The following ATP11C variants were observed in gnomAD, a reference collection of about 807,000 sequenced individuals.
The protein encoded by ATP11C is ATPase phospholipid transporting 11C (ATP11C blood group), also known as phospholipid-transporting ATPase IG.
ATP11C carries 36 observed loss-of-function variants against 97.4 expected under a neutral mutation model. The observed-to-expected ratio is 0.37, with a 90% CI of 0.28 to 0.49. ATP11C has a LOEUF of 0.49. ATP11C is among the 20% of genes least tolerant of loss of function. The pLI is 0.98. For synonymous variants in ATP11C, 275 were observed against 290.9 expected, an observed-to-expected ratio of 0.95 and a Z score of 0.56; for missense variants, 730 against 824.6, an observed-to-expected ratio of 0.89 and a Z score of 1.40.
intron 3 of ATP11C, 68 bp downstream of exon 3, chrX:139,819,270 A>G: frequency 2.3e-6 from 1 of 430,393 alleles, no homozygotes; most frequent in Non-Finnish European, 3.9e-6. Context: ...AAGGTTAGAA[A>G]TAGATTGAAA....
intron 1 of ATP11C, among the ~76,000 whole-genome samples, chrX:139,908,266 C>T (rs1048639394): frequency 9.0e-6 from 1 of 111,613 alleles, no homozygotes; most frequent in Admixed American, 9.6e-5. Context: ...CTCCCAAACC[C>T]CTTTGCAGAA....
intron 1 of ATP11C, among the ~76,000 whole-genome samples, chrX:139,889,101 C>G (rs2148066697): frequency 8.9e-6 from 1 of 112,076 alleles, no homozygotes; most frequent in East Asian, 2.8e-4. Context: ...AGCCACCATG[C>G]CTGGCCTGAA....
At chrX:139,839,162 T>G (rs899314595) in intron 1 of ATP11C, among the ~76,000 whole-genome samples, 1 of 111,942 alleles carries the variant, frequency 8.9e-6, no homozygotes, top group African/African-American at 3.2e-5. Context: ...ATATGAAATA[T>G]GCAGAATAGG....
chrX:139,874,149 TCTC>T (rs1217498376), intron 1 of ATP11C, among the ~76,000 whole-genome samples: 7 of 107,238 alleles, frequency 6.5e-5, no homozygotes, highest in African/African-American at 2.4e-4. Flanking sequence ...CTCAAGCAAT[TCTC>T]CTGCCTCAGC....
chrX:139,906,600 G>A (rs892015089), intron 1 of ATP11C, among the ~76,000 whole-genome samples: 18 of 109,201 alleles, frequency 1.6e-4, no homozygotes, highest in African/African-American at 6.0e-4. Flanking sequence ...TGGCCAAGAT[G>A]GTAAAACCCC....
At chrX:139,755,646 G>A (rs989322647) in intron 23 of ATP11C, among the ~76,000 whole-genome samples, 16 of 111,119 alleles carry the variant, frequency 1.4e-4, no homozygotes, top group Non-Finnish European at 2.8e-4. Context: ...CAATGGAACA[G>A]AATAGAGAGC....
chrX:139,799,644 CTTTTTTTTTTT>C (rs754371113), intron 8 of ATP11C, among the ~76,000 whole-genome samples: 1 of 60,368 alleles, frequency 1.7e-5, no homozygotes, highest in Non-Finnish European at 2.7e-5. Context: ...CTTTATATTC[CTTTTTTTTTTT>C]TTTTTTTTTT....
chrX:139,886,906 A>T (rs1318261203), intron 1 of ATP11C, among the ~76,000 whole-genome samples: 6 of 96,669 alleles, frequency 6.2e-5, no homozygotes, highest in Admixed American at 2.7e-4. Context: ...ACAATTTTGT[A>T]AAAAAAAAAA....
Position 139,802,319 on chromosome X carries a change from A to G in ATP11C, c.576T>C (p.Asp192=), listed in dbSNP as rs1364131161. The change falls in exon 7 of 30, where the codon GAT becomes GAC. Residue 192 remains aspartate, a synonymous_variant. Coordinates refer to ENST00000682941, the MANE Select transcript of ATP11C (RefSeq NM_001353812.2). ...SNCKTHYAVR[D]TIALCTAESI... ...ATTCTGCTGTACACAGTGCAATGGT[A>G]TCACGTACTGCATAATGTGTCTAGT... is the stretch of plus-strand genomic sequence containing the variant. 3 of 1,197,109 alleles carry G rather than the reference A, an allele frequency of 2.5e-6. No individual in the cohort carries two copies. The highest frequency in any genetic ancestry group is 3.4e-6 in the Non-Finnish European group (3 of 882,941).
At chrX:139,840,100 T>C (rs1303724454) in intron 1 of ATP11C, among the ~76,000 whole-genome samples, 1 of 112,042 alleles carries the variant, frequency 8.9e-6, no homozygotes, top group Non-Finnish European at 1.9e-5. Context: ...AAGCAAAGCA[T>C]GAAGAAAATC....
intron 17 of ATP11C, 74 bp from the exon 18 acceptor site, chrX:139,782,802 C>T (rs1225556748): frequency 5.1e-6 from 4 of 782,202 alleles, no homozygotes; most frequent in African/African-American, 2.2e-5. Flanking sequence ...TCTGTAAATA[C>T]TCTTGCTTTA....
intron 1 of ATP11C, among the ~76,000 whole-genome samples, chrX:139,865,695 A>C (rs1342711583): frequency 9.0e-6 from 1 of 111,272 alleles, no homozygotes; most frequent in Non-Finnish European, 1.9e-5. Flanking sequence ...CGGGAGGCGG[A>C]GGTTGCAGTG....
chrX:139,899,808 A>G (rs1352831242), intron 1 of ATP11C, among the ~76,000 whole-genome samples: 1 of 111,752 alleles, frequency 8.9e-6, no homozygotes, highest in East Asian at 2.8e-4. Flanking sequence ...CTAACCACAT[A>G]TCAGAAAGAG....
rs200403283 is a variant in ATP11C at position 139,905,686 on chromosome X, GT to G, written c.27+26329del. Among the ~76,000 whole-genome samples, 10 of 107,804 alleles carry G rather than the reference GT, an allele frequency of 9.3e-5. No individual in the cohort carries two copies. In the South Asian group the frequency reaches 1.6e-3, roughly 17 times the overall value. The allele number at this position is 107,804 out of a possible 115,157, so 93.6% of individuals were successfully genotyped here. A position where few individuals can be genotyped will look rare whatever the true frequency, so the allele number is the denominator to read the frequency against. ...TCCTTAAAAAAGTGACACAGGAAAAGTTTTTTTTTTAAAGTACTTACGTATT... is the reference window on the plus strand; with the variant it reads ...TCCTTAAAAAAGTGACACAGGAAAAGTTTTTTTTTAAAGTACTTACGTATT... On this transcript the variant is annotated intron_variant, in intron 1 of 29. Coordinates refer to ENST00000682941, the MANE Select transcript of ATP11C (RefSeq NM_001353812.2).
At chrX:139,843,898 T>C (rs1023685524) in intron 1 of ATP11C, among the ~76,000 whole-genome samples, 4 of 105,445 alleles carry the variant, frequency 3.8e-5, no homozygotes, top group African/African-American at 1.5e-4. Context: ...CAATAACTAG[T>C]TGCTTCTGAC....
At chrX:139,805,937 C>T (rs1443324299) in intron 5 of ATP11C, among the ~76,000 whole-genome samples, 1 of 112,355 alleles carries the variant, frequency 8.9e-6, no homozygotes, top group Admixed American at 9.4e-5. Context: ...TCCTCACTTA[C>T]ATAAACACTT....
At chrX:139,832,290 G>A in intron 1 of ATP11C, 1 of 1,148,930 alleles carries the variant, frequency 8.7e-7, no homozygotes, top group Non-Finnish European at 1.2e-6. Context: ...TCCTTGTAAA[G>A]TTTCCCAGAA....
At chrX:139,784,759 C>G (rs141956767) in intron 16 of ATP11C, among the ~76,000 whole-genome samples, 1 of 111,282 alleles carries the variant, frequency 9.0e-6, no homozygotes, top group African/African-American at 3.3e-5. Context: ...TTAGTCCTCT[C>G]TACCTCACCT....
chrX:139,793,188 A>C (rs2082729113), intron 12 of ATP11C, among the ~76,000 whole-genome samples: 1 of 112,015 alleles, frequency 8.9e-6, no homozygotes, highest in Non-Finnish European at 1.9e-5. Context: ...GAGCACAGTA[A>C]AAACACATTT....
Sources: allele counts gnomAD v4.1 joint callset (sites outside exome capture counted in the v4.1 genomes callset), GRCh38; gene constraint gnomAD v4.1.1; transcripts MANE v1.5; gene names NCBI Gene and HGNC (gene_info 2026-07-23, HGNC 2026-07-21).